GSG1: variants seen among roughly 807,000 people sequenced by gnomAD.
The protein encoded by GSG1 is germ cell-specific gene 1 protein.
GSG1 carries 28 observed loss-of-function variants against 30.8 expected under a neutral mutation model. The observed-to-expected ratio is 0.91, with a 90% CI of 0.67 to 1.25. GSG1 has a LOEUF of 1.25. Among genes scored for constraint, GSG1 ranks in the 50% most tolerant of loss-of-function variants. The probability of loss-of-function intolerance (pLI) is 0.00; values close to 1 mark genes in which losing one functional copy is unlikely to be tolerated. For missense variants in GSG1, 435 were observed against 444.7 expected (o/e 0.98, Z 0.20); for synonymous variants, 162 against 178.0 (o/e 0.91, Z 0.71).
At chr12:13,092,029 C>T (rs555364991) in intron 1 of GSG1, among the ~76,000 whole-genome samples, 1 of 152,126 alleles carries the variant, frequency 6.6e-6, no homozygotes, top group Admixed American at 6.5e-5. Flanking sequence ...TGGTGATTTG[C>T]ATAGATTGAA....
chr12:13,089,341 G>A (rs942693969), intron 2 of GSG1, 65 bp from the exon 3 acceptor site: 8 of 1,546,816 alleles, frequency 5.2e-6, no homozygotes, highest in Admixed American at 3.9e-5. Context: ...CTTCCATCTC[G>A]CTTTTAGCTG....
chr12:13,099,750 G>GTTTTTTTTTTTTTTTT (rs57762367), intron 1 of GSG1, among the ~76,000 whole-genome samples: 126 of 114,804 alleles, frequency 1.1e-3, no homozygotes, highest in Non-Finnish European at 1.4e-3. Flanking sequence ...GTTTTTTTTT[G>GTTTTTTTTTTTTTTTT]TTTTTTTTTT....
intron 1 of GSG1, among the ~76,000 whole-genome samples, chr12:13,096,491 A>G (rs1866674961): frequency 6.6e-6 from 1 of 151,548 alleles, no homozygotes; most frequent in Non-Finnish European, 1.5e-5. Flanking sequence ...AAAAAAAAAA[A>G]AAGAATAAGT....
intron 1 of GSG1, among the ~76,000 whole-genome samples, chr12:13,092,853 A>G (rs1311701685): frequency 6.6e-6 from 1 of 151,198 alleles, no homozygotes; most frequent in Non-Finnish European, 1.5e-5. Context: ...GTGCAATGGC[A>G]CAATCTCGGC....
Position 13,101,908 on chromosome 12 carries a change from C to T in GSG1, c.48+1557G>A, listed in dbSNP as rs114220920. Among the ~76,000 whole-genome samples the T allele has an allele frequency of 6.3e-4, 96 of 152,238 alleles. No homozygotes were observed. Among genetic ancestry groups the T allele is most frequent in the African/African-American group, 2.3e-3 (96 of 41,550 alleles). On this transcript the variant is annotated intron_variant, in intron 1 of 6. Transcript: ENST00000651961. This position sits in a 1 kb window ranked among gnomAD's most constrained non-coding sequence, Gnocchi z 5.8. ...GGATTTTGGCCAAGTTACTTAACCT[C>T]CCAGAGGGTTAAATTTACCCTCAGG...
intron 1 of GSG1, among the ~76,000 whole-genome samples, chr12:13,091,243 C>T (rs1399055743): frequency 6.6e-6 from 1 of 152,196 alleles, no homozygotes; most frequent in Non-Finnish European, 1.5e-5. Flanking sequence ...TTCCCGTGTC[C>T]AAACTGGCCC....
chr12:13,084,743 C>T lies in GSG1; in HGVS notation c.*158G>A, dbSNP rs1267345184. Reference sequence around the variant, plus strand: ...TAGAGGAAAAGAGAGCAGTGGCACCCAGGAATCCCTTAGGACTTAAAGATA... The same window carrying T: ...TAGAGGAAAAGAGAGCAGTGGCACCTAGGAATCCCTTAGGACTTAAAGATA... On this transcript the variant is annotated 3_prime_UTR_variant, in exon 7 of 7. Transcript: ENST00000651961. 2 of 543,580 alleles carry T rather than the reference C, an allele frequency of 3.7e-6. No individual in the cohort carries two copies. The highest frequency in any genetic ancestry group is 5.7e-5 in the East Asian group (2 of 35,096). The allele number at this position is 543,580 out of a possible 1,614,324, so 33.7% of individuals were successfully genotyped here. A position where few individuals can be genotyped will look rare whatever the true frequency, so the allele number is the denominator to read the frequency against.
chr12:13,093,785 GC>G lies in GSG1; in HGVS notation c.49-2968del, dbSNP rs1274064605. The stretch of plus-strand genomic sequence containing the variant: ...AGGGGAGGCTGCCGAAAGAACTGAG[GC>G]CCCAGATGGCTCTGGCAGGAGCCCC... On this transcript the variant is annotated intron_variant, in intron 1 of 6. Coordinates refer to ENST00000651961, the MANE Select transcript of GSG1 (RefSeq NM_001080555.4). The surrounding 1 kb of genome is among the most constrained non-coding windows in gnomAD (Gnocchi z 4.6). Among the ~76,000 whole-genome samples, 1 of 152,150 alleles carries G rather than the reference GC, an allele frequency of 6.6e-6. No homozygotes were observed. The highest frequency in any genetic ancestry group is 1.5e-5 in the Non-Finnish European group (1 of 68,024).
At position 13,094,912 on chromosome 12, in the gene GSG1, TAAGA is replaced by T. The variant is rs553300379; in HGVS notation, c.49-4098_49-4095del. 1.1e-4 allele frequency among the ~76,000 whole-genome samples: 16 copies of T among 152,294 alleles called. No individual in the cohort carries two copies. The East Asian group carries it at 1.9e-3, about 18-fold the overall frequency. ...AGTTATTCTCGGGGTTATTCAGAAA[TAAGA>T]AAGAATAACGAACCCCATACTAAGA... On this transcript the variant is annotated intron_variant, in intron 1 of 6. Transcript: ENST00000651961.
At position 13,103,569 on chromosome 12, in the gene GSG1, T is replaced by C; in HGVS notation, c.-57A>G. The C allele has an allele frequency of 6.3e-7, 1 of 1,594,492 alleles. No homozygotes were observed. The highest frequency in any genetic ancestry group is 8.6e-7 in the Non-Finnish European group (1 of 1,162,428). ...CAGTTTATCTTCTGTTCTGTCTCAA[T>C]CAGTTGGGTAGAATGAGTGTTTAGC... On this transcript the variant is annotated 5_prime_UTR_variant, in exon 1 of 7. Transcript: ENST00000651961.
intron 3 of GSG1, 137 bp downstream of exon 3, chr12:13,089,071 G>T: frequency 1.6e-6 from 2 of 1,282,420 alleles, no homozygotes; most frequent in Admixed American, 2.3e-5. Flanking sequence ...GAATGGCACA[G>T]CCAAGAGTCA....
chr12:13,086,833 A>G (rs928910498), intron 6 of GSG1, among the ~76,000 whole-genome samples: 2 of 152,206 alleles, frequency 1.3e-5, no homozygotes, highest in Admixed American at 6.5e-5. Flanking sequence ...GCACATTTCT[A>G]TAAGGCCTAC....
chr12:13,094,252 G>C (rs1416042017), intron 1 of GSG1, among the ~76,000 whole-genome samples: 3 of 152,180 alleles, frequency 2.0e-5, no homozygotes, highest in Non-Finnish European at 2.9e-5. Context: ...CAGGGACTAA[G>C]ACAGTGCATA....
At chr12:13,096,040 A>C (rs1446881461) in intron 1 of GSG1, among the ~76,000 whole-genome samples, 1 of 152,212 alleles carries the variant, frequency 6.6e-6, no homozygotes, top group Non-Finnish European at 1.5e-5. Flanking sequence ...TCACTGCAGA[A>C]GTTTACCTTC....
chr12:13,098,455 C>CCTTTTTT (rs1862903418), intron 1 of GSG1, among the ~76,000 whole-genome samples: 1 of 71,846 alleles, frequency 1.4e-5, no homozygotes, highest in Non-Finnish European at 3.1e-5. Context: ...TCATGTAGCC[C>CCTTTTTT]ATTTTTTTTT....
At chr12:13,088,728 A>G (rs1417094748) in intron 4 of GSG1, 134 bp downstream of exon 4, 2 of 1,610,018 alleles carry the variant, frequency 1.2e-6, no homozygotes, top group African/African-American at 1.3e-5. Flanking sequence ...ATTCCTTATC[A>G]GACACATACT....
chr12:13,098,149 T>TC (rs997334910), intron 1 of GSG1, among the ~76,000 whole-genome samples: 1 of 152,014 alleles, frequency 6.6e-6, no homozygotes, highest in African/African-American at 2.4e-5. Context: ...TTGTTTTTTT[T>TC]TTTTTTACGG....
chr12:13,100,583 G>C (rs777823790), intron 1 of GSG1, among the ~76,000 whole-genome samples: 3 of 152,338 alleles, frequency 2.0e-5, no homozygotes, highest in Non-Finnish European at 2.9e-5. Flanking sequence ...CTACTGATTA[G>C]AGCCATTTTG....
chr12:13,099,753 T>G (rs967574772), intron 1 of GSG1, among the ~76,000 whole-genome samples: 2 of 116,836 alleles, frequency 1.7e-5, no homozygotes, highest in Admixed American at 7.9e-5. Context: ...TTTTTTTGTT[T>G]TTTTTTTTTT....
Sources: allele counts gnomAD v4.1 joint callset (sites outside exome capture counted in the v4.1 genomes callset), GRCh38; gene constraint gnomAD v4.1.1; non-coding constraint Gnocchi (gnomAD v3.1); transcripts MANE v1.5; gene names NCBI Gene and HGNC (gene_info 2026-07-23, HGNC 2026-07-21).